SHISAL1: variants seen among roughly 807,000 people sequenced by gnomAD.
SHISAL1 encodes shisa like 1.
In SHISAL1, 9 loss-of-function variants were observed where a neutral mutation model predicts 22.6. That is an observed-to-expected ratio of 0.40 (90% CI 0.24 to 0.70). The LOEUF is 0.70. Among genes scored for constraint, SHISAL1 ranks in the 30% least tolerant of loss-of-function variants. The probability of loss-of-function intolerance (pLI) is 0.39; values close to 1 mark genes in which losing one functional copy is unlikely to be tolerated. For missense variants in SHISAL1, 246 were observed against 270.6 expected, an observed-to-expected ratio of 0.91 and a Z score of 0.64; for synonymous variants, 119 against 115.4, an observed-to-expected ratio of 1.03 and a Z score of -0.20.
intron 1 of SHISAL1, among the ~76,000 whole-genome samples, chr22:44,303,910 C>T (rs1479932690): frequency 6.6e-6 from 1 of 152,170 alleles, no homozygotes; most frequent in South Asian, 2.1e-4. Flanking sequence ...ACTCCCTGCC[C>T]GCTCCATCCT....
At chr22:44,315,873 T>G (rs905172828), upstream of SHISAL1, among the ~76,000 whole-genome samples, 2 of 152,002 alleles carry the variant, frequency 1.3e-5, no homozygotes, top group Admixed American at 1.3e-4. Flanking sequence ...AGGCAGCAGT[T>G]CCCCGGCCTC....
At chr22:44,294,315 G>A (rs2055371894) in intron 3 of SHISAL1, among the ~76,000 whole-genome samples, 1 of 152,190 alleles carries the variant, frequency 6.6e-6, no homozygotes, top group African/African-American at 2.4e-5. Context: ...AGCTGGCCTA[G>A]GTGGGAGGTG....
intron 4 of SHISAL1, among the ~76,000 whole-genome samples, chr22:44,250,991 AG>A (rs1334466343): frequency 6.6e-6 from 1 of 152,224 alleles, no homozygotes; most frequent in Non-Finnish European, 1.5e-5. Context: ...ACAGGGGCTA[AG>A]GGTGAGAGAT....
chr22:44,279,780 C>T lies in SHISAL1; in HGVS notation c.599+5648G>A, dbSNP rs146917887. On this transcript the variant is annotated intron_variant, in intron 4 of 4. Transcript: ENST00000381176. Reference sequence around the variant, plus strand: ...TGACGGAGCCAGCACTGTAGAGGTGCTCAGGCTCTAATGGCTGCTCTGCCC... The same window carrying T: ...TGACGGAGCCAGCACTGTAGAGGTGTTCAGGCTCTAATGGCTGCTCTGCCC... 9.0e-4 allele frequency among the ~76,000 whole-genome samples: 137 copies of T among 152,328 alleles called. 1 individual carries two copies. In the East Asian group the frequency reaches 0.026, roughly 28 times the overall value.
intron 4 of SHISAL1, among the ~76,000 whole-genome samples, chr22:44,277,967 G>C (rs1302508686): frequency 6.6e-6 from 1 of 152,226 alleles, no homozygotes; most frequent in South Asian, 2.1e-4. Flanking sequence ...AGGTCACTTG[G>C]TTCCCACACT....
At chr22:44,318,954 G>A in the SHISAL1 span, among the ~76,000 whole-genome samples, 6 of 152,250 alleles carry the variant, frequency 3.9e-5, no homozygotes, top group African/African-American at 1.4e-4. Flanking sequence ...GCTGGCCACA[G>A]CTGGCACCAC....
At chr22:44,294,858 T>C (rs9614429) in intron 3 of SHISAL1, among the ~76,000 whole-genome samples, 15,306 of 152,110 alleles carry the variant, frequency 0.1, 1,006 homozygotes, top group South Asian at 0.16. Context: ...AACAGCAACA[T>C]AAAAAGAAAT....
At chr22:44,308,092 C>T (rs923682778) in intron 1 of SHISAL1, among the ~76,000 whole-genome samples, 1 of 152,206 alleles carries the variant, frequency 6.6e-6, no homozygotes, top group African/African-American at 2.4e-5. Flanking sequence ...GGGACCAAGT[C>T]CTGGCTCCAC....
intron 4 of SHISAL1, among the ~76,000 whole-genome samples, chr22:44,256,799 G>A (rs1482458618): frequency 6.6e-6 from 1 of 152,094 alleles, no homozygotes; most frequent in Admixed American, 6.5e-5. Context: ...GAACAAAAGC[G>A]ACTGCCTGCT....
intron 3 of SHISAL1, among the ~76,000 whole-genome samples, chr22:44,285,960 C>A (rs1477761301): frequency 6.6e-6 from 1 of 152,182 alleles, no homozygotes; most frequent in Non-Finnish European, 1.5e-5. Flanking sequence ...GGGCCTGGTC[C>A]CCACCTGGGC....
At chr22:44,282,174 G>A (rs1199087919) in intron 4 of SHISAL1, among the ~76,000 whole-genome samples, 1 of 152,132 alleles carries the variant, frequency 6.6e-6, no homozygotes. Context: ...GGCCTCCGCT[G>A]GGGAGCCGAA....
At chr22:44,280,725 C>G (rs2055270822) in intron 4 of SHISAL1, among the ~76,000 whole-genome samples, 2 of 120,594 alleles carry the variant, frequency 1.7e-5, no homozygotes, top group African/African-American at 5.7e-5. Context: ...AGCTGGGTGT[C>G]CCAGGAGGAT....
chr22:44,330,020 TGGTATTTCA>T, the SHISAL1 span, among the ~76,000 whole-genome samples: 5 of 152,282 alleles, frequency 3.3e-5, no homozygotes, highest in East Asian at 3.9e-4. Flanking sequence ...CTGAACTTGA[TGGTATTTCA>T]GGCACAGCCA....
chr22:44,312,099 T>C (rs953053422), intron 1 of SHISAL1, among the ~76,000 whole-genome samples: 2 of 151,984 alleles, frequency 1.3e-5, no homozygotes, highest in African/African-American at 4.8e-5. Flanking sequence ...CTCACTGGAG[T>C]GAAGAGAAGC....
chr22:44,262,745 G>T (rs2055133783), intron 4 of SHISAL1, among the ~76,000 whole-genome samples: 2 of 152,238 alleles, frequency 1.3e-5, no homozygotes, highest in South Asian at 4.1e-4. Context: ...CGAGAGAGGA[G>T]CTGAGCCTGG....
intron 1 of SHISAL1, among the ~76,000 whole-genome samples, chr22:44,311,055 A>C (rs2055514439): frequency 1.3e-5 from 2 of 151,888 alleles, no homozygotes; most frequent in African/African-American, 2.4e-5. Flanking sequence ...CATGGCCTCA[A>C]CTTTTACGGC....
intron 4 of SHISAL1, among the ~76,000 whole-genome samples, chr22:44,261,725 C>G (rs1230196498): frequency 6.6e-6 from 1 of 152,260 alleles, no homozygotes. Context: ...GCTCTCACGG[C>G]AAACACGCCT....
At chr22:44,265,001 A>C (rs557964648) in intron 4 of SHISAL1, among the ~76,000 whole-genome samples, 9 of 143,638 alleles carry the variant, frequency 6.3e-5, no homozygotes, top group Non-Finnish European at 8.8e-5. Flanking sequence ...CACACACACA[A>C]CAGAGACCCC....
At position 44,244,868 on chromosome 22, in the gene SHISAL1, G is replaced by C. The variant is rs919707416; in HGVS notation, c.*4817C>G. On this transcript the variant is annotated 3_prime_UTR_variant, in exon 5 of 5. Coordinates refer to ENST00000381176, the MANE Select transcript of SHISAL1 (RefSeq NM_001099294.2). ...GCCTGACTGCTTAACTTTAACATTTGAGCTTTTCGGGCCACAACCACCAAA... is the reference window on the plus strand; with the variant it reads ...GCCTGACTGCTTAACTTTAACATTTCAGCTTTTCGGGCCACAACCACCAAA... The C allele has an allele frequency of 6.6e-6, 1 of 152,202 alleles. No individual in the cohort carries two copies. Among genetic ancestry groups the C allele is most frequent in the African/African-American group, 2.4e-5 (1 of 41,426 alleles). 9.4% of individuals were successfully genotyped at this position (152,202 alleles called of 1,614,324 possible).
Sources: allele counts gnomAD v4.1 joint callset (sites outside exome capture counted in the v4.1 genomes callset), GRCh38; gene constraint gnomAD v4.1.1; transcripts MANE v1.5; gene names NCBI Gene and HGNC (gene_info 2026-07-23, HGNC 2026-07-21).